Variants in MACROD2 observed in about 807,000 individuals in gnomAD.
The protein encoded by MACROD2 is ADP-ribose glycohydrolase MACROD2.
Under a neutral mutation model 70.4 loss-of-function variants are expected in MACROD2, and 36 were observed. That is an observed-to-expected ratio of 0.51 (90% CI 0.39 to 0.68). MACROD2 has a LOEUF of 0.68. MACROD2 is among the 30% of genes least tolerant of loss of function. The pLI, the probability that MACROD2 is intolerant of heterozygous loss-of-function variation, is 0.00. For synonymous variants in MACROD2, 172 were observed against 178.8 expected, an observed-to-expected ratio of 0.96 and a Z score of 0.30; for missense variants, 496 against 538.4, an observed-to-expected ratio of 0.92 and a Z score of 0.78.
chr20:15,112,770 A>G (rs1028175931), intron 5 of MACROD2, among the ~76,000 whole-genome samples: 1 of 152,112 alleles, frequency 6.6e-6, no homozygotes. Flanking sequence ...AAAATTCTGT[A>G]CTCATTAAGC....
chr20:15,824,289 G>A (rs545895058), intron 8 of MACROD2, among the ~76,000 whole-genome samples: 2 of 152,148 alleles, frequency 1.3e-5, no homozygotes, highest in African/African-American at 4.8e-5. Flanking sequence ...GTATGTGAAT[G>A]TGTGTGTTAT....
chr20:16,020,821 G>A (rs138216902), intron 15 of MACROD2, among the ~76,000 whole-genome samples: 241 of 152,030 alleles, frequency 1.6e-3, no homozygotes, highest in African/African-American at 5.0e-3. Flanking sequence ...AGCCTCGCTC[G>A]GCTCTGGTCA....
At chr20:14,413,079 CT>C (rs1476704847) in intron 3 of MACROD2, among the ~76,000 whole-genome samples, 1 of 152,062 alleles carries the variant, frequency 6.6e-6, no homozygotes, top group Non-Finnish European at 1.5e-5. Flanking sequence ...ACTATTACCA[CT>C]TTTGGTAGGA....
chr20:15,748,189 T>C (rs1027958387), intron 8 of MACROD2, among the ~76,000 whole-genome samples: 1 of 152,158 alleles, frequency 6.6e-6, no homozygotes, highest in Non-Finnish European at 1.5e-5. Flanking sequence ...GAAGATTCCT[T>C]GAGGTCTAAA....
intron 5 of MACROD2, among the ~76,000 whole-genome samples, chr20:14,890,175 A>C (rs2073735484): frequency 1.3e-5 from 2 of 152,072 alleles, no homozygotes; most frequent in African/African-American, 4.8e-5. Context: ...GTCAAGTGGA[A>C]GATATATAAG....
At chr20:15,676,221 G>A (rs1251967699) in intron 8 of MACROD2, among the ~76,000 whole-genome samples, 1 of 152,106 alleles carries the variant, frequency 6.6e-6, no homozygotes, top group African/African-American at 2.4e-5. Context: ...CTCCATAAAA[G>A]CTGTAAAAAT....
At chr20:14,781,224 C>A (rs918754254) in intron 5 of MACROD2, among the ~76,000 whole-genome samples, 7 of 151,930 alleles carry the variant, frequency 4.6e-5, no homozygotes, top group African/African-American at 1.7e-4. Flanking sequence ...CTCTGGTAAC[C>A]ACCAATCTAC....
intron 5 of MACROD2, among the ~76,000 whole-genome samples, chr20:15,143,965 A>ATCAC (rs1568599061): frequency 2.6e-4 from 34 of 129,302 alleles, no homozygotes; most frequent in South Asian, 1.5e-3. Context: ...AAAATCGCAA[A>ATCAC]AAAAAAAAAA....
At chr20:14,711,730 T>A (rs1253271228) in intron 5 of MACROD2, among the ~76,000 whole-genome samples, 1 of 152,224 alleles carries the variant, frequency 6.6e-6, no homozygotes, top group Non-Finnish European at 1.5e-5. Flanking sequence ...CCAGCCCCAG[T>A]ATTTCCAATT....
intron 15 of MACROD2, among the ~76,000 whole-genome samples, chr20:16,015,933 C>G (rs1601327102): frequency 1.3e-5 from 2 of 152,008 alleles, no homozygotes; most frequent in East Asian, 3.9e-4. Flanking sequence ...TATATTATGA[C>G]TTTTTTATCT....
At chr20:14,757,682 A>ATGC in intron 5 of MACROD2, 1 of 1,399,524 alleles carries the variant, frequency 7.1e-7, no homozygotes, top group East Asian at 2.3e-5. Flanking sequence ...GAATGTGTCC[A>ATGC]ACCTTCCTGT....
intron 7 of MACROD2, among the ~76,000 whole-genome samples, chr20:15,460,347 ACCCTCCAAC>A (rs1428658321): frequency 3.3e-5 from 5 of 151,906 alleles, no homozygotes; most frequent in Non-Finnish European, 7.4e-5. Context: ...TCCAGATTCC[ACCCTCCAAC>A]CCCTGTAGCA....
Position 15,699,142 on chromosome 20 carries a change from G to A in MACROD2, c.646-163603G>A, listed in dbSNP as rs527529197. On this transcript the variant is annotated intron_variant, in intron 8 of 17. Coordinates refer to ENST00000684519, the MANE Select transcript of MACROD2 (RefSeq NM_001351661.2). ...GTGAACTAGTGTGATTTACTGGGGG[G>A]CGTTGAAGAGCCTTGTTTTGTCATA... Among the ~76,000 whole-genome samples the A allele has an allele frequency of 5.9e-5, 9 of 152,264 alleles. No homozygotes were observed. In the South Asian group the frequency reaches 1.9e-3, roughly 32 times the overall value.
intron 8 of MACROD2, among the ~76,000 whole-genome samples, chr20:15,743,288 A>G (rs1272163423): frequency 6.6e-6 from 1 of 152,136 alleles, no homozygotes; most frequent in African/African-American, 2.4e-5. Context: ...ACTCACCTCA[A>G]ATGCTATCCC....
At chr20:14,378,858 A>G (rs1163263081) in intron 3 of MACROD2, among the ~76,000 whole-genome samples, 1 of 152,116 alleles carries the variant, frequency 6.6e-6, no homozygotes, top group Non-Finnish European at 1.5e-5. Context: ...CTTTCCCACA[A>G]TAGCCATTTT....
chr20:14,004,141 C>T (rs2052777875), intron 2 of MACROD2, among the ~76,000 whole-genome samples: 1 of 152,102 alleles, frequency 6.6e-6, no homozygotes, highest in African/African-American at 2.4e-5. Context: ...TTCCTTTGAG[C>T]ATTATGTTGG....
intron 5 of MACROD2, among the ~76,000 whole-genome samples, chr20:15,100,010 G>C (rs990641339): frequency 2.0e-5 from 3 of 152,032 alleles, no homozygotes; most frequent in Admixed American, 6.6e-5. Flanking sequence ...AAATTACAAA[G>C]AACTTGGCTG....
intron 3 of MACROD2, among the ~76,000 whole-genome samples, chr20:14,129,375 T>A (rs1439296095): frequency 6.6e-6 from 1 of 152,220 alleles, no homozygotes; most frequent in Non-Finnish European, 1.5e-5. Context: ...AAAGATGAAC[T>A]GAATTATTTC....
intron 6 of MACROD2, among the ~76,000 whole-genome samples, chr20:15,275,717 C>T (rs565782779): frequency 5.9e-5 from 9 of 152,186 alleles, no homozygotes; most frequent in South Asian, 4.2e-4. Flanking sequence ...AGAGAAGAAG[C>T]GATATTTAGG....
Sources: allele counts gnomAD v4.1 joint callset (sites outside exome capture counted in the v4.1 genomes callset), GRCh38; gene constraint gnomAD v4.1.1; transcripts MANE v1.5; gene names NCBI Gene and HGNC (gene_info 2026-07-23, HGNC 2026-07-21).